The following PPP2R5C variants were observed in gnomAD, a reference collection of about 807,000 sequenced individuals.
The protein encoded by PPP2R5C is protein phosphatase 2 regulatory subunit B'gamma, also known as serine/threonine-protein phosphatase 2A 56 kDa regulatory subunit gamma isoform.
Under a neutral mutation model 68.9 loss-of-function variants are expected in PPP2R5C, and 7 were observed. The ratio of observed to expected loss-of-function variants is 0.10; its 90% CI spans 0.06 to 0.19. PPP2R5C has a LOEUF of 0.19. Ranked by LOEUF, PPP2R5C falls within the 10% of genes least tolerant of loss-of-function variation. PPP2R5C has a pLI of 1.00. For synonymous variants in PPP2R5C, 210 were observed against 222.2 expected, an observed-to-expected ratio of 0.95 and a Z score of 0.49; for missense variants, 348 against 641.3, an observed-to-expected ratio of 0.54 and a Z score of 4.94.
chr14:101,791,696 C>T (rs191884894), intron 3 of PPP2R5C, among the ~76,000 whole-genome samples: 1 of 150,080 alleles, frequency 6.7e-6, no homozygotes. Context: ...GTTCTTTTTT[C>T]AGTCTGCAGT....
chr14:101,805,016 T>C, upstream of PPP2R5C, among the ~76,000 whole-genome samples: 1 of 152,294 alleles, frequency 6.6e-6, no homozygotes, highest in Middle Eastern at 3.4e-3. Context: ...CCATAAAAAT[T>C]AAAAATAAGT....
intron 1 of PPP2R5C, among the ~76,000 whole-genome samples, chr14:101,844,466 G>A (rs1456176742): frequency 6.6e-6 from 1 of 152,208 alleles, no homozygotes; most frequent in Non-Finnish European, 1.5e-5. Context: ...CAGCACCGCA[G>A]GGCCCGGTAG....
intron 12 of PPP2R5C, chr14:101,914,375 C>T (rs1013730726): frequency 8.5e-5 from 22 of 259,884 alleles, no homozygotes; most frequent in African/African-American, 4.7e-4. Context: ...ACTCTGGCCT[C>T]GTACTTGCTT....
rs554151982 is a variant in PPP2R5C at position 101,774,981 on chromosome 14, T to C, written c.94-11037T>C. On this transcript the variant is annotated intron_variant, in intron 2 of 14. Transcript: ENST00000328724. ...AGACGTGAGTGTATGCCAGTAAAAC[T>C]TGATTTACAAAAATAACCAGGAGGC... Among the ~76,000 whole-genome samples the C allele has an allele frequency of 5.9e-5, 9 of 152,296 alleles. No individual in the cohort carries two copies. In the East Asian group the frequency reaches 1.5e-3, roughly 26 times the overall value.
rs937396040 is a variant in PPP2R5C at position 101,922,243 on chromosome 14, C to T, written c.1444-2898C>T. 2.2e-5 allele frequency: 21 copies of T among 954,414 alleles called. No individual in the cohort carries two copies. In the East Asian group the frequency reaches 2.0e-3, roughly 89 times the overall value. The allele number at this position is 954,414 out of a possible 1,614,324, so 59.1% of individuals were successfully genotyped here. A position where few individuals can be genotyped will look rare whatever the true frequency, so the allele number is the denominator to read the frequency against. ...ATGGCAGATGCCTGTAATCCCAGCACTTTGGGAGGCCGAGGCGGGCAGATC... is the reference window on the plus strand; with the variant it reads ...ATGGCAGATGCCTGTAATCCCAGCATTTTGGGAGGCCGAGGCGGGCAGATC... On this transcript the variant is annotated intron_variant, in intron 13 of 13. Transcript: ENST00000334743.
chr14:101,861,481 T>C (rs1746586), intron 2 of PPP2R5C, among the ~76,000 whole-genome samples: 52,737 of 152,114 alleles, frequency 0.35, 11,732 homozygotes, highest in African/African-American at 0.63. Flanking sequence ...GGTACAACAT[T>C]GCGCACCTTA....
upstream of PPP2R5C, among the ~76,000 whole-genome samples, chr14:101,808,760 G>A (rs781239999): frequency 6.6e-6 from 1 of 152,166 alleles, no homozygotes; most frequent in Non-Finnish European, 1.5e-5. Flanking sequence ...CCATGGTTTG[G>A]ACAAACTTCC....
At chr14:101,870,162 T>C (rs1034796192) in intron 2 of PPP2R5C, among the ~76,000 whole-genome samples, 3 of 150,294 alleles carry the variant, frequency 2.0e-5, no homozygotes, top group Admixed American at 6.6e-5. Context: ...GTAGCTTGTC[T>C]TTTTTTTTGT....
intron 1 of PPP2R5C, among the ~76,000 whole-genome samples, chr14:101,832,371 A>G (rs188714148): frequency 1.3e-5 from 2 of 152,358 alleles, no homozygotes; most frequent in African/African-American, 4.8e-5. Flanking sequence ...GTGAAAATAT[A>G]TAATTAGCAC....
intron 2 of PPP2R5C, among the ~76,000 whole-genome samples, chr14:101,866,453 GAT>G (rs907102069): frequency 2.6e-5 from 4 of 152,140 alleles, no homozygotes; most frequent in African/African-American, 4.8e-5. Context: ...TTTATCGATA[GAT>G]TTTTAAAATA....
At chr14:101,783,979 G>A (rs2037967699) in intron 2 of PPP2R5C, among the ~76,000 whole-genome samples, 2 of 152,110 alleles carry the variant, frequency 1.3e-5, no homozygotes, top group Non-Finnish European at 2.9e-5. Flanking sequence ...GGTTATGGAG[G>A]GGCTTTTAGG....
At chr14:101,897,493 G>A (rs575485649) in intron 8 of PPP2R5C, among the ~76,000 whole-genome samples, 9 of 151,688 alleles carry the variant, frequency 5.9e-5, no homozygotes, top group East Asian at 1.9e-4. Context: ...AGCCAGGCCC[G>A]TTCCAAAGCT....
upstream of PPP2R5C, among the ~76,000 whole-genome samples, chr14:101,805,794 G>A (rs796360564): frequency 1.4e-4 from 21 of 152,308 alleles, no homozygotes; most frequent in African/African-American, 5.1e-4. Context: ...AGTGAAATAA[G>A]CCAGTCCCAA....
At chr14:101,883,691 T>C in intron 5 of PPP2R5C, 129 bp downstream of exon 7, 1 of 1,273,626 alleles carries the variant, frequency 7.9e-7, no homozygotes, top group Non-Finnish European at 1.1e-6. Context: ...AGCCTATTTG[T>C]CATGTGCAGG....
chr14:101,804,220 AC>A (rs2038984783), intron 3 of PPP2R5C, among the ~76,000 whole-genome samples: 1 of 152,248 alleles, frequency 6.6e-6, no homozygotes, highest in African/African-American at 2.4e-5. Flanking sequence ...ACAAGCAATA[AC>A]TAATGCTGGA....
chr14:101,841,626 G>C (rs1025252673), intron 1 of PPP2R5C, among the ~76,000 whole-genome samples: 47 of 152,238 alleles, frequency 3.1e-4, no homozygotes, highest in African/African-American at 1.1e-3. Context: ...GGTTGCCCAC[G>C]GTCACTGTGG....
At chr14:101,763,408 A>T (rs2036664790) in intron 2 of PPP2R5C, among the ~76,000 whole-genome samples, 1 of 145,124 alleles carries the variant, frequency 6.9e-6, no homozygotes, top group African/African-American at 2.6e-5. Flanking sequence ...TTTTTAATAG[A>T]GTCTCACTCT....
chr14:101,849,825 C>G (rs773007665), intron 1 of PPP2R5C, among the ~76,000 whole-genome samples: 6 of 152,194 alleles, frequency 3.9e-5, no homozygotes, highest in Non-Finnish European at 7.3e-5. Flanking sequence ...TGTCACAAGT[C>G]AGGTGTCGAT....
At chr14:101,896,636 CAAAAAAAAA>C (rs34603513) in intron 8 of PPP2R5C, among the ~76,000 whole-genome samples, 1 of 110,418 alleles carries the variant, frequency 9.1e-6, no homozygotes, top group Non-Finnish European at 1.8e-5. Flanking sequence ...ACCCTGTCTC[CAAAAAAAAA>C]AAAAAAAAAA....
Sources: gnomAD v4.1 joint callset for allele counts (sites outside exome capture counted in the v4.1 genomes callset) on GRCh38, gnomAD v4.1.1 for gene constraint, MANE v1.5 for transcripts, NCBI Gene and HGNC (gene_info 2026-07-23, HGNC 2026-07-21) for gene names.